Variants in C1orf141 observed in about 807,000 individuals in gnomAD.
C1orf141 encodes the protein chromosome 1 open reading frame 141.
A neutral mutation model predicts 23.2 loss-of-function variants in C1orf141; 19 were observed. The observed-to-expected ratio is 0.82, with a 90% confidence interval of 0.57 to 1.20. The LOEUF is 1.20. C1orf141 is among the 50% of genes most tolerant of loss of function. C1orf141 has a pLI of 0.00. For missense variants in C1orf141, 469 were observed against 455.1 expected, an observed-to-expected ratio of 1.03 and a Z score of -0.28; for synonymous variants, 153 against 154.6, an observed-to-expected ratio of 0.99 and a Z score of 0.08.
At chr1:67,112,686 G>A (rs1646100140) in intron 5 of C1orf141, among the ~76,000 whole-genome samples, 1 of 152,162 alleles carries the variant, frequency 6.6e-6, no homozygotes. Flanking sequence ...GGGCAACAGA[G>A]TGAGACCGTG....
At chr1:67,111,573 C>T in intron 5 of C1orf141, 4 of 1,217,564 alleles carry the variant, frequency 3.3e-6, no homozygotes, top group South Asian at 2.0e-5. Flanking sequence ...CAAATTACAC[C>T]TACCTCAGTT....
chr1:67,138,944 G>T (rs1178368676), upstream of C1orf141: 1 of 152,324 alleles, frequency 6.6e-6, no homozygotes, highest in South Asian at 2.1e-4. Flanking sequence ...ATTTTATTCC[G>T]GGACTTTGAG....
chr1:67,108,793 T>C (rs866302902), intron 5 of C1orf141, among the ~76,000 whole-genome samples: 1 of 152,006 alleles, frequency 6.6e-6, no homozygotes, highest in African/African-American at 2.4e-5. Flanking sequence ...AGGATATGAA[T>C]AGATAATTTT....
chr1:67,113,845 A>G (rs1646132472), intron 5 of C1orf141: 1 of 465,952 alleles, frequency 2.1e-6, no homozygotes, highest in Non-Finnish European at 4.0e-6. Context: ...CCTGCTGAAA[A>G]CACCTTAAAA....
chr1:67,116,611 TC>T (rs1248861030), intron 4 of C1orf141, among the ~76,000 whole-genome samples: 2 of 152,026 alleles, frequency 1.3e-5, no homozygotes, highest in African/African-American at 2.4e-5. Context: ...CAGAAACTTT[TC>T]CCCCAGTTCT....
At position 67,095,370 on chromosome 1, in the gene C1orf141, G is replaced by T; in HGVS notation, c.468C>A (p.Val156=). 1 of 1,570,278 alleles carries T rather than the reference G, an allele frequency of 6.4e-7. No individual in the cohort carries two copies. Among genetic ancestry groups the T allele is most frequent in the South Asian group, 1.2e-5 (1 of 86,098 alleles). ...TATACTTACTTAATTGATAATTTCT[G>T]ACCGATTTGTTTTCTTTTATATTAA... is the stretch of plus-strand genomic sequence containing the variant. The part of the protein sequence containing the change: ...NDFNIKENKS[V]RNYQLSKYRS... Residue 156 remains valine, a synonymous_variant, in exon 7 of 8, where the codon GTC becomes GTA. Transcript: ENST00000684719.
At chr1:67,106,960 TA>T (rs1645941787) in intron 5 of C1orf141, among the ~76,000 whole-genome samples, 1 of 152,178 alleles carries the variant, frequency 6.6e-6, no homozygotes, top group East Asian at 1.9e-4. Flanking sequence ...CTGACATGTT[TA>T]ATAAGAGCCT....
chr1:67,095,234 C>T lies in C1orf141; in HGVS notation c.603+1G>A. On this transcript the variant is annotated splice_donor_variant, in intron 7 of 7. Coordinates refer to ENST00000684719, the MANE Select transcript of C1orf141 (RefSeq NM_001276351.2). LOFTEE classifies it high-confidence loss of function. Reference sequence around the variant, plus strand: ...TTAACAATAGATGATATGCTTATTACCATGTGAGAAGTTACTGTCTTTGTT... The same window carrying T: ...TTAACAATAGATGATATGCTTATTATCATGTGAGAAGTTACTGTCTTTGTT... 1.3e-6 allele frequency: 2 copies of T among 1,519,076 alleles called. No homozygotes were observed. The highest frequency in any genetic ancestry group is 1.8e-6 in the Non-Finnish European group (2 of 1,110,522). 94.1% of individuals were successfully genotyped at this position (1,519,076 alleles called of 1,614,324 possible).
intron 2 of C1orf141, among the ~76,000 whole-genome samples, chr1:67,130,332 T>G (rs569066030): frequency 6.6e-6 from 1 of 152,344 alleles, no homozygotes; most frequent in Non-Finnish European, 1.5e-5. Context: ...ATCAATGTAT[T>G]GAAGTGAATG....
At chr1:67,129,632 C>T (rs1330435339) in intron 2 of C1orf141, among the ~76,000 whole-genome samples, 1 of 152,300 alleles carries the variant, frequency 6.6e-6, no homozygotes, top group Admixed American at 6.5e-5. Context: ...AACTAAAACA[C>T]AGTGAGAAGC....
At position 67,115,436 on chromosome 1, in the gene C1orf141, G is replaced by T; in HGVS notation, c.262C>A (p.Pro88Thr). ...MHVSFKCEPEPRKSNFEKSNL... is the reference protein window; with the variant it reads ...MHVSFKCEPETRKSNFEKSNL... ...GACTTTTCAAAATTACTCTTTCTAG[G>T]TTCAGGCTCACATTTGAAAGAGACA... Residue 88 changes from proline (P) to threonine (T), a missense_variant, in exon 5 of 8, where the codon CCT becomes ACT. Physicochemically the swap from Pro to Thr is conservative, Grantham distance 38 (BLOSUM62 -1). Transcript: ENST00000684719. The T allele has an allele frequency of 6.7e-7, 1 of 1,484,068 alleles. No homozygotes were observed. Among genetic ancestry groups the T allele is most frequent in the Non-Finnish European group, 9.2e-7 (1 of 1,082,180 alleles). The allele number at this position is 1,484,068 out of a possible 1,614,324, so 91.9% of individuals were successfully genotyped here. A position where few individuals can be genotyped will look rare whatever the true frequency, so the allele number is the denominator to read the frequency against.
chr1:67,132,725 TAATA>T (rs755563351), intron 1 of C1orf141, among the ~76,000 whole-genome samples: 1 of 152,214 alleles, frequency 6.6e-6, no homozygotes, highest in African/African-American at 2.4e-5. Flanking sequence ...AGTTTATCTG[TAATA>T]AATGATGTTA....
In C1orf141 at chr1:67,093,662, T is replaced by C. The variant is rs1645604328; in HGVS notation, c.604-58A>G. ...AGTTCATTGAGTCAAGAAAGCTCCA[T>C]ATATTTTAAAACATGTAAATAAAAT... On this transcript the variant is annotated intron_variant, in intron 7 of 7. Coordinates refer to ENST00000684719, the MANE Select transcript of C1orf141 (RefSeq NM_001276351.2). The C allele has an allele frequency of 2.2e-6, 3 of 1,347,040 alleles. No homozygotes were observed. In the South Asian group the frequency reaches 5.0e-5, roughly 22 times the overall value. 83.4% of individuals were successfully genotyped at this position (1,347,040 alleles called of 1,614,324 possible). A position where few individuals can be genotyped will look rare whatever the true frequency, so the allele number is the denominator to read the frequency against.
intron 5 of C1orf141, chr1:67,113,712 C>A (rs17129659): frequency 3.1e-6 from 4 of 1,277,230 alleles, no homozygotes; most frequent in East Asian, 5.6e-5. Context: ...AATGAGAATC[C>A]GCTGAAGAGG....
chr1:67,101,670 T>G (rs1360455561), intron 5 of C1orf141, among the ~76,000 whole-genome samples: 1 of 152,172 alleles, frequency 6.6e-6, no homozygotes, highest in Admixed American at 6.6e-5. Flanking sequence ...TGTCCCACTT[T>G]CAATTTAATA....
At chr1:67,124,747 T>C (rs1646372065) in intron 4 of C1orf141, among the ~76,000 whole-genome samples, 1 of 152,224 alleles carries the variant, frequency 6.6e-6, no homozygotes, top group Admixed American at 6.5e-5. Context: ...ACCTTAGCAG[T>C]CTGATTTCAG....
intron 1 of C1orf141, among the ~76,000 whole-genome samples, chr1:67,133,250 C>T (rs1369818371): frequency 6.6e-6 from 1 of 152,160 alleles, no homozygotes; most frequent in African/African-American, 2.4e-5. Flanking sequence ...AAGTTACAAA[C>T]TAAAGGCCTG....
At chr1:67,101,532 T>C (rs1478318295) in intron 5 of C1orf141, among the ~76,000 whole-genome samples, 1 of 151,222 alleles carries the variant, frequency 6.6e-6, no homozygotes, top group African/African-American at 2.4e-5. Context: ...CAGAATATTC[T>C]CTACTGGCTC....
intron 4 of C1orf141, 26 bp from the exon 5 acceptor site, chr1:67,115,490 A>T (rs1182422525): frequency 1.8e-5 from 16 of 893,536 alleles, no homozygotes; most frequent in Non-Finnish European, 2.4e-5. Flanking sequence ...ATTAATTTAA[A>T]TTAAAATAAT....
Sources: gnomAD v4.1 joint callset for allele counts (sites outside exome capture counted in the v4.1 genomes callset) on GRCh38, gnomAD v4.1.1 for gene constraint, MANE v1.5 for transcripts, NCBI Gene and HGNC (gene_info 2026-07-23, HGNC 2026-07-21) for gene names.